The following SMC1B variants were observed in gnomAD, a reference collection of about 807,000 sequenced individuals.
The protein encoded by SMC1B is structural maintenance of chromosomes 1B, also known as structural maintenance of chromosomes protein 1B.
A neutral mutation model predicts 157.9 loss-of-function variants in SMC1B; 60 were observed. That is an observed-to-expected ratio of 0.38 (90% CI 0.31 to 0.47). The LOEUF (loss-of-function observed/expected upper bound fraction) is 0.47, where lower values mean the gene tolerates loss of function less well. Among genes scored for constraint, SMC1B ranks in the 20% least tolerant of loss-of-function variants. The probability of loss-of-function intolerance (pLI) is 0.99; values close to 1 mark genes in which losing one functional copy is unlikely to be tolerated. For synonymous variants in SMC1B, 445 were observed against 483.0 expected, an observed-to-expected ratio of 0.92 and a Z score of 1.03; for missense variants, 1,165 against 1,426.2, an observed-to-expected ratio of 0.82 and a Z score of 2.95.
chr22:45,391,630 A>G (rs1256249301), intron 9 of SMC1B, among the ~76,000 whole-genome samples: 2 of 152,210 alleles, frequency 1.3e-5, no homozygotes, highest in Non-Finnish European at 2.9e-5. Flanking sequence ...AAGTGAGACA[A>G]TCACCTCCTC....
intron 14 of SMC1B, 23 bp from the exon 15 acceptor site, chr22:45,370,083 T>G: frequency 7.7e-7 from 1 of 1,291,284 alleles, no homozygotes; most frequent in Non-Finnish European, 1.1e-6. Flanking sequence ...TTTAAAACAA[T>G]TGATTTAATA....
At chr22:45,363,512 C>T (rs568921086) in intron 15 of SMC1B, among the ~76,000 whole-genome samples, 1 of 152,202 alleles carries the variant, frequency 6.6e-6, no homozygotes, top group Admixed American at 6.5e-5. Flanking sequence ...GAAACCCCAC[C>T]TGTACTAAAA....
chr22:45,383,743 A>C, intron 11 of SMC1B, 130 bp from the exon 12 acceptor site: 1 of 718,836 alleles, frequency 1.4e-6, no homozygotes, highest in African/African-American at 1.9e-5. Flanking sequence ...TACTAATAAA[A>C]TATCTAGTTT....
At chr22:45,360,017 A>G in intron 17 of SMC1B, 59 bp from the exon 18 acceptor site, 11 of 1,320,716 alleles carry the variant, frequency 8.3e-6, no homozygotes, top group Non-Finnish European at 1.1e-5. Context: ...TGCACCAAGG[A>G]AGAAAAATGT....
chr22:45,405,468 C>A (rs1053499819), intron 4 of SMC1B, among the ~76,000 whole-genome samples: 1 of 151,608 alleles, frequency 6.6e-6, no homozygotes, highest in Non-Finnish European at 1.5e-5. Context: ...AGGAGAATGG[C>A]GTGAACCCAG....
intron 14 of SMC1B, 52 bp downstream of exon 14, chr22:45,371,419 A>C: frequency 6.7e-7 from 1 of 1,485,458 alleles, no homozygotes; most frequent in East Asian, 2.6e-5. Context: ...TAAATCTAGT[A>C]TCTGGTCTAG....
intron 20 of SMC1B, among the ~76,000 whole-genome samples, chr22:45,354,508 A>C (rs1378019102): frequency 1.3e-5 from 2 of 152,120 alleles, no homozygotes; most frequent in Non-Finnish European, 2.9e-5. Context: ...CTCCTGCCTC[A>C]GCCTCCCGAG....
At chr22:45,363,912 G>A (rs573006021) in intron 15 of SMC1B, among the ~76,000 whole-genome samples, 4 of 150,902 alleles carry the variant, frequency 2.7e-5, no homozygotes, top group African/African-American at 9.7e-5. Flanking sequence ...GCAGTGATGC[G>A]ATCTCAGCTC....
chr22:45,399,589 G>A (rs1006979705), intron 5 of SMC1B, among the ~76,000 whole-genome samples: 1 of 152,100 alleles, frequency 6.6e-6, no homozygotes, highest in African/African-American at 2.4e-5. Flanking sequence ...CTATGAATTT[G>A]CCAAAACCTG....
At chr22:45,409,713 T>C (rs1192779475) in intron 1 of SMC1B, among the ~76,000 whole-genome samples, 4 of 152,190 alleles carry the variant, frequency 2.6e-5, no homozygotes, top group Non-Finnish European at 5.9e-5. Context: ...GGCTTGATAC[T>C]GTTATCTTTT....
intron 4 of SMC1B, among the ~76,000 whole-genome samples, chr22:45,404,472 C>A (rs535476825): frequency 6.8e-4 from 103 of 152,266 alleles, no homozygotes; most frequent in Non-Finnish European, 1.3e-3. Flanking sequence ...AGGAGACAAC[C>A]AACTAAGAGT....
At chr22:45,394,614 C>G (rs1385713539) in intron 8 of SMC1B, 71 bp downstream of exon 8, 2 of 1,392,074 alleles carry the variant, frequency 1.4e-6, no homozygotes. Context: ...CTGGCCTGGG[C>G]GATGGGAGTG....
chr22:45,408,007 C>A (rs533860766), intron 2 of SMC1B, among the ~76,000 whole-genome samples: 155 of 152,256 alleles, frequency 1.0e-3, no homozygotes, highest in Non-Finnish European at 1.8e-3. Context: ...AAAAAACTGT[C>A]TATAATAAAG....
intron 12 of SMC1B, among the ~76,000 whole-genome samples, chr22:45,378,239 T>C (rs965665823): frequency 1.3e-5 from 2 of 152,216 alleles, no homozygotes; most frequent in African/African-American, 4.8e-5. Context: ...GATTGCTTCC[T>C]TAATCCCAAA....
chr22:45,369,306 C>G (rs1201989309), intron 15 of SMC1B, among the ~76,000 whole-genome samples: 3 of 151,820 alleles, frequency 2.0e-5, no homozygotes, highest in African/African-American at 7.3e-5. Flanking sequence ...CCGTGGTAGC[C>G]AGGATGGTCT....
At chr22:45,410,398 C>T (rs1013950690) in intron 1 of SMC1B, among the ~76,000 whole-genome samples, 1 of 152,082 alleles carries the variant, frequency 6.6e-6, no homozygotes, top group Admixed American at 6.6e-5. Flanking sequence ...TCCCCTATAT[C>T]CACAAAGCAG....
Position 45,406,526 on chromosome 22 carries a change from CTG to C in SMC1B, c.547_548del (p.Gln183ValfsTer2). 6.2e-7 allele frequency: 1 copy of C among 1,612,952 alleles called. No homozygotes were observed. Among genetic ancestry groups the C allele is most frequent in the Non-Finnish European group, 8.5e-7 (1 of 1,179,862 alleles). ...RKLQKAEEDA[Q>X]FNFNKKKNIA... The stretch of plus-strand genomic sequence containing the variant: ...TATTTTTTTTCTTATTAAAGTTAAA[CTG>C]TGCATCCTCTTCGGCTTTTTGTAAC... On this transcript the variant is annotated frameshift_variant, in exon 4 of 25. Transcript: ENST00000357450. LOFTEE classifies it high-confidence loss of function.
Position 45,359,914 on chromosome 22 carries a change from G to A in SMC1B, c.2753C>T (p.Ser918Phe). The A allele has an allele frequency of 1.2e-6, 2 of 1,614,022 alleles. No homozygotes were observed. The highest frequency in any genetic ancestry group is 1.7e-6 in the Non-Finnish European group (2 of 1,179,932). Residue 918 changes from serine (S) to phenylalanine (F), a missense_variant, in exon 18 of 25, where the codon TCT becomes TTT. Physicochemically the swap from Ser to Phe is radical, Grantham distance 155. Coordinates refer to ENST00000357450, the MANE Select transcript of SMC1B (RefSeq NM_148674.5). ...CTTCTCTAATCGTTTCTGTTCCAGA[G>A]AAGTTTGAATACTTACAACTTCTTT... ...LQKEVVSIQT[S>F]LEQKRLEKHN...
At chr22:45,365,170 G>A (rs1360654671) in intron 15 of SMC1B, among the ~76,000 whole-genome samples, 2 of 152,006 alleles carry the variant, frequency 1.3e-5, no homozygotes, top group African/African-American at 2.4e-5. Context: ...CATTCATTCC[G>A]TTGTTGCTCT....
Sources: gnomAD v4.1 joint callset for allele counts (sites outside exome capture counted in the v4.1 genomes callset) on GRCh38, gnomAD v4.1.1 for gene constraint, MANE v1.5 for transcripts, NCBI Gene and HGNC (gene_info 2026-07-23, HGNC 2026-07-21) for gene names.